The following PHTF2 variants were observed in gnomAD, a reference collection of about 807,000 sequenced individuals.
PHTF2 encodes protein PHTF2.
A neutral mutation model predicts 101.2 loss-of-function variants in PHTF2; 60 were observed. That is an observed-to-expected ratio of 0.59 (90% CI 0.48 to 0.73). The LOEUF is 0.73. Ranked by LOEUF, PHTF2 falls within the 30% of genes least tolerant of loss-of-function variation. PHTF2 has a pLI of 0.00. For synonymous variants in PHTF2, 311 were observed against 307.3 expected (o/e 1.01, Z -0.13); for missense variants, 747 against 908.7 (o/e 0.82, Z 2.29).
At chr7:77,949,898 T>A in intron 17 of PHTF2, 65 bp downstream of exon 16, 3 of 898,366 alleles carry the variant, frequency 3.3e-6, no homozygotes, top group Non-Finnish European at 4.9e-6. Context: ...TCATTTCCTT[T>A]ATGTTTTTCA....
chr7:77,954,637 T>TATAGATAG (rs1554397990), intron 19 of PHTF2, among the ~76,000 whole-genome samples: 3 of 144,602 alleles, frequency 2.1e-5, no homozygotes, highest in Admixed American at 6.9e-5. Context: ...TATATATATA[T>TATAGATAG]ATATATATAG....
chr7:77,878,571 A>G (rs1385346302), intron 3 of PHTF2, among the ~76,000 whole-genome samples: 1 of 152,156 alleles, frequency 6.6e-6, no homozygotes, highest in African/African-American at 2.4e-5. Flanking sequence ...GGTGGTTTCA[A>G]AGGAGGCTGT....
At chr7:77,870,425 G>T (rs569620890) in intron 3 of PHTF2, among the ~76,000 whole-genome samples, 16 of 152,136 alleles carry the variant, frequency 1.1e-4, no homozygotes, top group Non-Finnish European at 1.0e-4. Context: ...TGAAGAACTT[G>T]GAATCCGCTG....
At chr7:77,923,115 A>G (rs1803638296) in intron 11 of PHTF2, 2 of 1,006,034 alleles carry the variant, frequency 2.0e-6, no homozygotes, top group Non-Finnish European at 2.4e-6. Context: ...TATACATTTG[A>G]TCATAGCAAA....
At chr7:77,873,837 G>A (rs933195700) in intron 3 of PHTF2, among the ~76,000 whole-genome samples, 16 of 152,120 alleles carry the variant, frequency 1.1e-4, no homozygotes, top group Admixed American at 6.5e-4. Context: ...GACACCTGGC[G>A]ACGCTGTGCA....
chr7:77,908,035 G>C (rs1443877205), intron 7 of PHTF2: 15 of 152,076 alleles, frequency 9.9e-5, no homozygotes. Context: ...TGTGATCTAG[G>C]AGAAAGGTCT....
chr7:77,799,268 C>G (rs1792328391), intron 1 of PHTF2, among the ~76,000 whole-genome samples: 1 of 152,276 alleles, frequency 6.6e-6, no homozygotes, highest in South Asian at 2.1e-4. Context: ...CGAAGCCCAG[C>G]GCGCCACCCG....
intron 12 of PHTF2, among the ~76,000 whole-genome samples, chr7:77,929,606 G>A (rs558211088): frequency 4.0e-4 from 61 of 152,150 alleles, no homozygotes; most frequent in Non-Finnish European, 7.6e-4. Flanking sequence ...ATACTTTGTG[G>A]CCAGATGCAT....
chr7:77,945,067 T>C (rs557866224), intron 16 of PHTF2, among the ~76,000 whole-genome samples: 1 of 152,192 alleles, frequency 6.6e-6, no homozygotes, highest in Admixed American at 6.5e-5. Context: ...AGGCTGGGTG[T>C]GGTGGCCCAC....
At position 77,903,687 on chromosome 7, in the gene PHTF2, AG is replaced by A. The variant is rs538816885; in HGVS notation, c.445+1768del. Among the ~76,000 whole-genome samples, 17 of 152,368 alleles carry A rather than the reference AG, an allele frequency of 1.1e-4. No individual in the cohort carries two copies. The Middle Eastern group carries it at 0.01, about 91-fold the overall frequency. On this transcript the variant is annotated intron_variant, in intron 7 of 19. Transcript: ENST00000416283. Reference sequence around the variant, plus strand: ...AACATTCTCCTAGTAAAGCTTAGTTAGAGAAATGACTTAACCTTCTTAAAGT... The same window carrying A: ...AACATTCTCCTAGTAAAGCTTAGTTAAGAAATGACTTAACCTTCTTAAAGT...
chr7:77,917,833 C>A (rs1013834158), intron 9 of PHTF2, among the ~76,000 whole-genome samples: 17 of 152,198 alleles, frequency 1.1e-4, no homozygotes, highest in East Asian at 1.9e-4. Flanking sequence ...GTAATACTTA[C>A]ATTTAGCATT....
At chr7:77,884,847 C>T (rs1799693744) in intron 3 of PHTF2, among the ~76,000 whole-genome samples, 3 of 152,132 alleles carry the variant, frequency 2.0e-5, no homozygotes, top group Non-Finnish European at 4.4e-5. Context: ...TGCAGTGAGC[C>T]AAGATCGTGC....
chr7:77,841,705 T>G (rs1795901133), intron 2 of PHTF2, among the ~76,000 whole-genome samples: 2 of 152,336 alleles, frequency 1.3e-5, no homozygotes, highest in African/African-American at 4.8e-5. Flanking sequence ...TTGGAAGTAT[T>G]GATATTGATA....
At chr7:77,872,830 C>G (rs894357570) in intron 3 of PHTF2, among the ~76,000 whole-genome samples, 1 of 152,190 alleles carries the variant, frequency 6.6e-6, no homozygotes, top group Non-Finnish European at 1.5e-5. Flanking sequence ...CCTTTAGATC[C>G]CTTCCTCTAC....
chr7:77,957,205 A>G (rs1807033930), exon 20 of PHTF2: 1 of 152,130 alleles, frequency 6.6e-6, no homozygotes, highest in Non-Finnish European at 1.5e-5. Context: ...GTAAGTTTAA[A>G]ATAAAACATT....
chr7:77,923,420 T>C (rs1450523710), intron 11 of PHTF2: 1 of 984,296 alleles, frequency 1.0e-6, no homozygotes, highest in Non-Finnish European at 1.2e-6. Flanking sequence ...GCTATGTTAG[T>C]AATTTTTTCC....
At chr7:77,887,750 C>A (rs1401037057) in intron 3 of PHTF2, among the ~76,000 whole-genome samples, 1 of 152,070 alleles carries the variant, frequency 6.6e-6, no homozygotes, top group Non-Finnish European at 1.5e-5. Flanking sequence ...CATCTGGAAC[C>A]AGGAATGGAA....
intron 1 of PHTF2, among the ~76,000 whole-genome samples, chr7:77,806,499 CATG>C (rs1250709790): frequency 2.0e-5 from 3 of 152,078 alleles, no homozygotes; most frequent in Admixed American, 2.0e-4. Context: ...TTAGTGTTAA[CATG>C]ATATTTTTTT....
chr7:77,922,823 A>T, intron 11 of PHTF2, 45 bp downstream of exon 10: 1 of 1,326,008 alleles, frequency 7.5e-7, no homozygotes, highest in Non-Finnish European at 1.0e-6. Flanking sequence ...TCTATTTTAT[A>T]TGTTACTAAT....
Sources: allele counts gnomAD v4.1 joint callset (sites outside exome capture counted in the v4.1 genomes callset), GRCh38; gene constraint gnomAD v4.1.1; transcripts MANE v1.5; gene names NCBI Gene and HGNC (gene_info 2026-07-23, HGNC 2026-07-21).